DHX57: variants seen among roughly 807,000 people sequenced by gnomAD.
The protein encoded by DHX57 is putative ATP-dependent RNA helicase DHX57.
A neutral mutation model predicts 156.2 loss-of-function variants in DHX57; 105 were observed. The ratio of observed to expected loss-of-function variants is 0.67; its 90% confidence interval spans 0.57 to 0.79. DHX57 has a LOEUF of 0.79. Among genes scored for constraint, DHX57 ranks in the 30% least tolerant of loss-of-function variants. DHX57 has a pLI of 0.00. For missense variants in DHX57, 1,847 were observed against 1,661.9 expected, an observed-to-expected ratio of 1.11 and a Z score of -1.94; for synonymous variants, 704 against 595.6, an observed-to-expected ratio of 1.18 and a Z score of -2.65.
chr2:38,807,945 CTTTTTTTTTTTTTTT>C (rs34221239), intron 21 of DHX57, among the ~76,000 whole-genome samples: 2 of 54,226 alleles, frequency 3.7e-5, no homozygotes, highest in African/African-American at 6.4e-5. Context: ...TGTGTCTTGC[CTTTTTTTTTTTTTTT>C]TTTTTTTTTT....
chr2:38,860,926 C>T, intron 5 of DHX57, 73 bp downstream of exon 5: 2 of 1,375,026 alleles, frequency 1.5e-6, no homozygotes, highest in Non-Finnish European at 2.0e-6. Flanking sequence ...CATCCTAGAC[C>T]AGCCTTAAAG....
chr2:38,862,283 T>A lies in DHX57; in HGVS notation c.434A>T (p.Asp145Val). The A allele has an allele frequency of 1.2e-6, 2 of 1,609,964 alleles. No individual in the cohort carries two copies. Among genetic ancestry groups the A allele is most frequent in the Non-Finnish European group, 1.7e-6 (2 of 1,177,166 alleles). ...EEDDEPDCCN[D>V]ERYWPAGQEP... ...CTGTCCAGCTGGCCAGTACCGCTCATCGTTACAGCAATCAGGCTCATCATC... is the reference window on the plus strand; with the variant it reads ...CTGTCCAGCTGGCCAGTACCGCTCAACGTTACAGCAATCAGGCTCATCATC... The change falls in exon 4 of 24, where the codon GAT becomes GTT. Residue 145 changes from aspartate (D) to valine (V), a missense_variant. Coordinates refer to ENST00000457308, the MANE Select transcript of DHX57 (RefSeq NM_198963.3).
chr2:38,810,608 G>C, intron 21 of DHX57: 1 of 621,400 alleles, frequency 1.6e-6, no homozygotes, highest in South Asian at 1.4e-5. Context: ...ATGTACACCT[G>C]GCCCTTGAAG....
At chr2:38,839,088 C>T (rs962442360) in intron 12 of DHX57, among the ~76,000 whole-genome samples, 22 of 151,856 alleles carry the variant, frequency 1.4e-4, no homozygotes, top group African/African-American at 1.9e-4. Context: ...CGTAGTACCA[C>T]GGCCAGCTAA....
rs569770313 is a variant in DHX57, at chr2:38,850,814, C to T, written c.2031-2412G>A. Among the ~76,000 whole-genome samples the T allele has an allele frequency of 2.0e-4, 31 of 152,158 alleles. 1 individual carries two copies. The highest frequency in any genetic ancestry group is 1.6e-4 in the Non-Finnish European group (11 of 68,006). On this transcript the variant is annotated intron_variant, in intron 9 of 23. Transcript: ENST00000457308. Reference sequence around the variant, plus strand: ...ATTCAGCTGGGTGTGGTGGCTTACACCTGTAATCCCAGCACTTTGGGAGGC... The same window carrying T: ...ATTCAGCTGGGTGTGGTGGCTTACATCTGTAATCCCAGCACTTTGGGAGGC...
Position 38,861,618 on chromosome 2 carries a change from T to A in DHX57, c.792A>T (p.Ile264=). The A allele has an allele frequency of 6.2e-7, 1 of 1,614,206 alleles. No individual in the cohort carries two copies. The highest frequency in any genetic ancestry group is 8.5e-7 in the Non-Finnish European group (1 of 1,180,034). ...TCCAGACTCTGTTCTGAATTCTTTC[T>A]ATAAATTTTTCTCCACAGATGGACT... is the stretch of plus-strand genomic sequence containing the variant. The part of the protein sequence containing the change: ...ALKSICGEKF[I]ERIQNRVWTI... Residue 264 remains isoleucine (I), a synonymous_variant, in exon 5 of 24, where the codon ATA becomes ATT. Coordinates refer to ENST00000457308, the MANE Select transcript of DHX57 (RefSeq NM_198963.3).
chr2:38,852,842 G>T (rs1008092020), intron 9 of DHX57, among the ~76,000 whole-genome samples: 3 of 151,926 alleles, frequency 2.0e-5, no homozygotes, highest in Non-Finnish European at 2.9e-5. Context: ...AAATCCACAT[G>T]CTTTATTATT....
chr2:38,866,547 G>A (rs1212307406), intron 2 of DHX57, among the ~76,000 whole-genome samples: 1 of 152,026 alleles, frequency 6.6e-6, no homozygotes, highest in Non-Finnish European at 1.5e-5. Flanking sequence ...TGCGGCACCT[G>A]GTAATGTTAT....
chr2:38,810,556 T>C, intron 21 of DHX57: 1 of 574,098 alleles, frequency 1.7e-6, no homozygotes, highest in Non-Finnish European at 3.3e-6. Context: ...CATGCTCACC[T>C]GCTCTCCACT....
Position 38,802,790 on chromosome 2 carries a change from A to G in DHX57, c.3942T>C (p.Asn1314=), listed in dbSNP as rs749989551. 1.5e-4 allele frequency: 235 copies of G among 1,614,044 alleles called. No homozygotes were observed. Among genetic ancestry groups the G allele is most frequent in the Non-Finnish European group, 3.3e-5 (39 of 1,180,028 alleles). The change falls in exon 23 of 24, where the codon AAT becomes AAC. Residue 1314 remains asparagine, a synonymous_variant. Coordinates refer to ENST00000457308, the MANE Select transcript of DHX57 (RefSeq NM_198963.3). Reference sequence around the variant, plus strand: ...CGAACTCTCCTCTTTGAAGCTGCACATTCACTTGGCCTCCTCCAAACAAGA... The same window carrying G: ...CGAACTCTCCTCTTTGAAGCTGCACGTTCACTTGGCCTCCTCCAAACAAGA... The part of the protein sequence containing the change: ...PLVLFGGGQV[N]VQLQRGEFVV...
rs1246869642 is a variant in DHX57 at position 38,826,658 on chromosome 2, A to G, written c.2671T>C (p.Ser891Pro). Residue 891 changes from serine (S) to proline (P), a missense_variant, in exon 15 of 24, where the codon TCC becomes CCC. Coordinates refer to ENST00000457308, the MANE Select transcript of DHX57 (RefSeq NM_198963.3). Reference sequence around the variant, plus strand: ...AACACAGCCTGCTGCTCTTCACTGGATAAAGATGAATGAAGTGGGTGAATA... The same window carrying G: ...AACACAGCCTGCTGCTCTTCACTGGGTAAAGATGAATGAAGTGGGTGAATA... ...CVIHPLHSSL[S>P]SEEQQAVFVK... 1.9e-6 allele frequency: 3 copies of G among 1,614,164 alleles called. No homozygotes were observed. The highest frequency in any genetic ancestry group is 2.5e-6 in the Non-Finnish European group (3 of 1,180,002).
intron 1 of DHX57, 138 bp from the exon 2 acceptor site, chr2:38,868,549 A>G: frequency 1.1e-6 from 1 of 917,878 alleles, no homozygotes; most frequent in Non-Finnish European, 1.6e-6. Context: ...GTCTTGGGGC[A>G]GGATTCTGAA....
chr2:38,860,542 A>G (rs959080044), intron 5 of DHX57, among the ~76,000 whole-genome samples: 21 of 152,232 alleles, frequency 1.4e-4, no homozygotes, highest in African/African-American at 5.1e-4. Flanking sequence ...AGGGATTCAT[A>G]GAGCTATCCC....
At chr2:38,823,608 C>T (rs1670939126) in intron 16 of DHX57, among the ~76,000 whole-genome samples, 1 of 152,112 alleles carries the variant, frequency 6.6e-6, no homozygotes, top group Non-Finnish European at 1.5e-5. Flanking sequence ...TAAAATGATG[C>T]AGCCACTATG....
At chr2:38,846,112 C>T (rs553176922) in intron 11 of DHX57, among the ~76,000 whole-genome samples, 2 of 152,200 alleles carry the variant, frequency 1.3e-5, no homozygotes, top group East Asian at 1.9e-4. Context: ...GTGATCTGCT[C>T]GCCTCGGCCT....
intron 21 of DHX57, among the ~76,000 whole-genome samples, chr2:38,810,218 T>A (rs74462403): frequency 3.4e-5 from 5 of 147,486 alleles, no homozygotes; most frequent in Admixed American, 6.8e-5. Context: ...TTTTTTTTTT[T>A]AATTGTCATT....
At chr2:38,798,911 C>G (rs1181462877) in intron 23 of DHX57, among the ~76,000 whole-genome samples, 2 of 152,036 alleles carry the variant, frequency 1.3e-5, no homozygotes, top group East Asian at 1.9e-4. Context: ...CCATTGCACT[C>G]CAGCCTGGGT....
Position 38,848,400 on chromosome 2 carries a change from T to G in DHX57, c.2033A>C (p.Asp678Ala). The change falls in exon 10 of 24, where the codon GAC becomes GCC. Residue 678 changes from aspartate (D) to alanine (A), a missense_variant and splice_region_variant. By Grantham distance (126) the Asp-to-Ala change is moderately radical. Transcript: ENST00000457308. The stretch of plus-strand genomic sequence containing the variant: ...GTCCTTCAAAACTAGCAGCAAGAAG[T>G]CACTAGAGAAAATAAAAGAAACACC... ...DEVHERTEESDFLLLVLKDIV... is the reference protein window; with the variant it reads ...DEVHERTEESAFLLLVLKDIV... 1 of 1,586,710 alleles carries G rather than the reference T, an allele frequency of 6.3e-7. No homozygotes were observed. Among genetic ancestry groups the G allele is most frequent in the Non-Finnish European group, 8.5e-7 (1 of 1,171,422 alleles).
chr2:38,825,863 C>G lies in DHX57; in HGVS notation c.2998G>C (p.Glu1000Gln). The G allele has an allele frequency of 1.9e-6, 3 of 1,614,166 alleles. No individual in the cohort carries two copies. The highest frequency in any genetic ancestry group is 2.5e-6 in the Non-Finnish European group (3 of 1,180,028). The change falls in exon 16 of 24, where the codon GAA (glutamate) becomes CAA (glutamine). Residue 1000 changes from glutamate to glutamine, a missense_variant. By Grantham distance (29) the Glu-to-Gln change is conservative. Coordinates refer to ENST00000457308, the MANE Select transcript of DHX57 (RefSeq NM_198963.3). ...QLPEIQRVPL[E>Q]QLCLRIKILE... Reference sequence around the variant, plus strand: ...AGATGTCACCTTAGACACAGCTGTTCCAATGGCACTCTTTGTATTTCTGGT... The same window carrying G: ...AGATGTCACCTTAGACACAGCTGTTGCAATGGCACTCTTTGTATTTCTGGT...
Sources: allele counts gnomAD v4.1 joint callset (sites outside exome capture counted in the v4.1 genomes callset), GRCh38; gene constraint gnomAD v4.1.1; transcripts MANE v1.5; gene names NCBI Gene and HGNC (gene_info 2026-07-23, HGNC 2026-07-21).